Variants in C10orf90 observed in about 807,000 individuals in gnomAD.
C10orf90 encodes the protein (E2-independent) E3 ubiquitin-conjugating enzyme FATS.
A neutral mutation model predicts 62.5 loss-of-function variants in C10orf90; 56 were observed. The ratio of observed to expected loss-of-function variants is 0.90; its 90% CI spans 0.72 to 1.12. The LOEUF (loss-of-function observed/expected upper bound fraction) is 1.12, where lower values mean the gene tolerates loss of function less well. Ranked by LOEUF, C10orf90 falls within the 50% of genes most tolerant of loss-of-function variation. C10orf90 has a pLI of 0.00. For missense variants in C10orf90, 970 were observed against 880.4 expected (o/e 1.10, Z -1.29); for synonymous variants, 386 against 340.4 (o/e 1.13, Z -1.47).
chr10:126,590,665 A>G (rs898645563), intron 2 of C10orf90, among the ~76,000 whole-genome samples: 2 of 152,148 alleles, frequency 1.3e-5, no homozygotes, highest in African/African-American at 2.4e-5. Context: ...ACATACCAGA[A>G]TCTCGGACAC....
chr10:126,547,341 C>A (rs1316794954), intron 2 of C10orf90, among the ~76,000 whole-genome samples: 1 of 151,758 alleles, frequency 6.6e-6, no homozygotes, highest in Non-Finnish European at 1.5e-5. Flanking sequence ...ATGGTGTGAA[C>A]CCGGGAGGCG....
At chr10:126,471,630 C>T (rs10901613) in intron 4 of C10orf90, among the ~76,000 whole-genome samples, 46,568 of 152,002 alleles carry the variant, frequency 0.31, 7,226 homozygotes, top group African/African-American at 0.34. Flanking sequence ...AAAATCCCAG[C>T]ATATTCAATG....
intron 1 of C10orf90, among the ~76,000 whole-genome samples, chr10:126,662,131 C>A (rs1313354649): frequency 6.6e-6 from 1 of 151,386 alleles, no homozygotes; most frequent in Non-Finnish European, 1.5e-5. Flanking sequence ...GCCAGCTAAA[C>A]CACTTGAGGA....
chr10:126,640,216 C>G (rs1006278866), intron 2 of C10orf90, among the ~76,000 whole-genome samples: 3 of 152,224 alleles, frequency 2.0e-5, no homozygotes, highest in Non-Finnish European at 2.9e-5. Context: ...AGACCCCATC[C>G]AAGCCACTTC....
At chr10:126,515,358 C>T (rs373800630) in intron 2 of C10orf90, among the ~76,000 whole-genome samples, 310 of 152,256 alleles carry the variant, frequency 2.0e-3, no homozygotes, top group African/African-American at 7.1e-3. Context: ...ACTTCCAGTC[C>T]GGCAAGCTCC....
chr10:126,648,865 A>G (rs937545963), intron 1 of C10orf90, among the ~76,000 whole-genome samples: 1 of 152,208 alleles, frequency 6.6e-6, no homozygotes, highest in Non-Finnish European at 1.5e-5. Flanking sequence ...TATCAAGTCT[A>G]GCAAGTTAGT....
At position 126,565,217 on chromosome 10, in the gene C10orf90, T is replaced by TTTATATTACATAATATGTAATATAAATA. The variant is rs1564874218; in HGVS notation, c.314-51279_314-51278insTATTTATATTACATATTATGTAATATAA. On this transcript the variant is annotated intron_variant, in intron 2 of 9. Coordinates refer to ENST00000488181, the MANE Select transcript of C10orf90 (RefSeq NM_001350921.2). Reference sequence around the variant, plus strand: ...TATATTACATATTATGTAATATAATTTTTATATTACATATTATGTAATATA... The same window carrying TTTATATTACATAATATGTAATATAAATA: ...TATATTACATATTATGTAATATAATTTTATATTACATAATATGTAATATAAATATTTATATTACATATTATGTAATATA... Among the ~76,000 whole-genome samples, 10 of 17,374 alleles carry TTTATATTACATAATATGTAATATAAATA rather than the reference T, an allele frequency of 5.8e-4. 4 individuals carry two copies. Among genetic ancestry groups the TTTATATTACATAATATGTAATATAAATA allele is most frequent in the Non-Finnish European group, 1.0e-3 (8 of 7,710 alleles). The allele number at this position is 17,374 out of a possible 152,430, so 11.4% of individuals were successfully genotyped here.
At position 126,594,707 on chromosome 10, in the gene C10orf90, C is replaced by T. The variant is rs552092442; in HGVS notation, c.313+51858G>A. Among the ~76,000 whole-genome samples, 53 of 152,178 alleles carry T rather than the reference C, an allele frequency of 3.5e-4. 2 individuals carry two copies. The highest frequency in any genetic ancestry group is 9.9e-4 in the African/African-American group (41 of 41,502). ...TCTGAGTAGCTGATGATGGTGAGGA[C>T]GGAACTACAGCGGATTCAGAGCAAG... On this transcript the variant is annotated intron_variant, in intron 2 of 9. Coordinates refer to ENST00000488181, the MANE Select transcript of C10orf90 (RefSeq NM_001350921.2).
At chr10:126,606,165 G>A (rs1231966924) in intron 2 of C10orf90, among the ~76,000 whole-genome samples, 2 of 152,192 alleles carry the variant, frequency 1.3e-5, no homozygotes, top group Non-Finnish European at 2.9e-5. Context: ...AGTCCATGAA[G>A]CAACTTCCAA....
chr10:126,510,086 A>G (rs552173627), intron 3 of C10orf90, among the ~76,000 whole-genome samples: 26 of 152,226 alleles, frequency 1.7e-4, no homozygotes, highest in Admixed American at 6.5e-4. Context: ...TTCTTCTTAT[A>G]TAGACACCAG....
At chr10:126,527,280 G>A (rs763752430) in intron 2 of C10orf90, among the ~76,000 whole-genome samples, 2 of 152,164 alleles carry the variant, frequency 1.3e-5, no homozygotes, top group Non-Finnish European at 2.9e-5. Context: ...GTATCTCATT[G>A]TGGTTTTGAT....
At chr10:126,632,561 C>T (rs1261721025) in intron 2 of C10orf90, among the ~76,000 whole-genome samples, 1 of 151,834 alleles carries the variant, frequency 6.6e-6, no homozygotes, top group Non-Finnish European at 1.5e-5. Context: ...TTTTCAATGC[C>T]CAGTGAATTG....
intron 7 of C10orf90, among the ~76,000 whole-genome samples, chr10:126,444,172 A>G (rs544429722): frequency 3.7e-4 from 56 of 152,242 alleles, no homozygotes; most frequent in African/African-American, 1.2e-3. Context: ...TCCTAGCCAG[A>G]GCAATCAGAC....
At chr10:126,452,362 G>T (rs1291034679) in intron 7 of C10orf90, among the ~76,000 whole-genome samples, 1 of 152,060 alleles carries the variant, frequency 6.6e-6, no homozygotes, top group Non-Finnish European at 1.5e-5. Flanking sequence ...TTCACCGTTT[G>T]CTCCAATTCC....
intron 2 of C10orf90, among the ~76,000 whole-genome samples, chr10:126,583,362 GTC>G (rs373428361): frequency 9.5e-4 from 145 of 152,290 alleles, no homozygotes; most frequent in South Asian, 6.0e-3. Context: ...AGAACTAAAA[GTC>G]TCTCATTCTC....
chr10:126,649,804 C>G (rs1449602212), intron 1 of C10orf90, among the ~76,000 whole-genome samples: 1 of 152,178 alleles, frequency 6.6e-6, no homozygotes, highest in East Asian at 1.9e-4. Context: ...TCTGCCTCCC[C>G]CTGAGACCCA....
At chr10:126,658,292 C>T (rs1030187982) in intron 1 of C10orf90, among the ~76,000 whole-genome samples, 2 of 152,198 alleles carry the variant, frequency 1.3e-5, no homozygotes, top group Non-Finnish European at 2.9e-5. Context: ...GCCACTTATG[C>T]TGAAGTGATG....
chr10:126,610,611 A>C (rs1845411419), intron 2 of C10orf90, among the ~76,000 whole-genome samples: 1 of 152,248 alleles, frequency 6.6e-6, no homozygotes, highest in South Asian at 2.1e-4. Flanking sequence ...GATTCTGGGC[A>C]CACAGTAGGC....
chr10:126,591,299 A>T (rs569219341), intron 2 of C10orf90, among the ~76,000 whole-genome samples: 34 of 152,326 alleles, frequency 2.2e-4, no homozygotes, highest in African/African-American at 8.2e-4. Context: ...AATCCTCAGT[A>T]AAATACTGGC....
Sources: gnomAD v4.1 joint callset for allele counts (sites outside exome capture counted in the v4.1 genomes callset) on GRCh38, gnomAD v4.1.1 for gene constraint, MANE v1.5 for transcripts, NCBI Gene and HGNC (gene_info 2026-07-23, HGNC 2026-07-21) for gene names.